The following NMRK2 variants were observed in gnomAD, a reference collection of about 807,000 sequenced individuals.
NMRK2 encodes NRK 2.
In NMRK2, 34 loss-of-function variants were observed where a neutral mutation model predicts 24.7. The observed-to-expected ratio is 1.37, with a 90% CI of 1.05 to 1.83. The LOEUF is 1.83. Among genes scored for constraint, NMRK2 ranks in the 40% most tolerant of loss-of-function variants. The pLI, the probability that NMRK2 is intolerant of heterozygous loss-of-function variation, is 0.00. For synonymous variants in NMRK2, 145 were observed against 125.6 expected, an observed-to-expected ratio of 1.15 and a Z score of -1.03; for missense variants, 341 against 315.0, an observed-to-expected ratio of 1.08 and a Z score of -0.62.
At chr19:3,940,208 G>A (rs144124508) in intron 6 of NMRK2, among the ~76,000 whole-genome samples, 120 of 149,650 alleles carry the variant, frequency 8.0e-4, no homozygotes, top group African/African-American at 2.7e-3. Flanking sequence ...TTAGTCGGGC[G>A]TAGTGGCGTG....
chr19:3,933,955 A>T (rs1192368476), intron 2 of NMRK2, among the ~76,000 whole-genome samples: 1 of 42,746 alleles, frequency 2.3e-5, no homozygotes, highest in Non-Finnish European at 7.2e-5. Flanking sequence ...ACTCAGCATA[A>T]AAAAAAAATA....
In NMRK2 at chr19:3,941,096, C is replaced by A. The variant is rs1299439181; in HGVS notation, c.421C>A (p.Pro141Thr). The A allele has an allele frequency of 6.2e-7, 1 of 1,610,588 alleles. No homozygotes were observed. The highest frequency in any genetic ancestry group is 1.1e-5 in the South Asian group (1 of 90,916). ...RSTRNYTVPDPPGLFDGHVWP... is the reference protein window; with the variant it reads ...RSTRNYTVPDTPGLFDGHVWP... The stretch of plus-strand genomic sequence containing the variant: ...TACCCGCAACTACACAGTCCCTGAT[C>A]CCCCCGGCCTCTTCGATGGCCACGT... Residue 141 changes from proline (P) to threonine (T), a missense_variant, in exon 7 of 8, where the codon CCC (proline) becomes ACC (threonine). By Grantham distance (38) the Pro-to-Thr change is conservative. Coordinates refer to ENST00000168977, the MANE Select transcript of NMRK2 (RefSeq NM_170678.3).
intron 5 of NMRK2, among the ~76,000 whole-genome samples, chr19:3,939,256 G>A (rs2039282019): frequency 6.6e-6 from 1 of 151,834 alleles, no homozygotes; most frequent in African/African-American, 2.4e-5. Flanking sequence ...AGGCGTGGTG[G>A]CTCACCAGCA....
chr19:3,934,910 G>A (rs192216224), intron 2 of NMRK2, among the ~76,000 whole-genome samples: 5 of 152,134 alleles, frequency 3.3e-5, no homozygotes, highest in Admixed American at 1.3e-4. Context: ...AAGAAGCCTC[G>A]AATTTTCATT....
Position 3,942,355 on chromosome 19 carries a change from C to G in NMRK2, c.*82C>G. ...GGCGTCCCGGAGCTCAGGGACTGAG[C>G]CCCAAGACGCCTCTGTAACCTCGCT... On this transcript the variant is annotated 3_prime_UTR_variant, in exon 8 of 8. Transcript: ENST00000168977. 2 of 1,292,614 alleles carry G rather than the reference C, an allele frequency of 1.5e-6. No homozygotes were observed. The highest frequency in any genetic ancestry group is 2.1e-6 in the Non-Finnish European group (2 of 945,560). The allele number at this position is 1,292,614 out of a possible 1,614,324, so 80.1% of individuals were successfully genotyped here. A position where few individuals can be genotyped will look rare whatever the true frequency, so the allele number is the denominator to read the frequency against.
chr19:3,938,997 G>A (rs1391220221), intron 5 of NMRK2, among the ~76,000 whole-genome samples: 2 of 151,502 alleles, frequency 1.3e-5, no homozygotes, highest in South Asian at 2.1e-4. Flanking sequence ...ACAGGCCTGC[G>A]CCATCACACC....
At position 3,938,778 on chromosome 19, in the gene NMRK2, TG is replaced by T. The variant is rs1479700297; in HGVS notation, c.323+21del. Reference sequence around the variant, plus strand: ...GCTACAAGTAAACATCTGCAGGCTCTGGCCCCAGGCATGGCCCTCTCTGGGC... The same window carrying T: ...GCTACAAGTAAACATCTGCAGGCTCTGCCCCAGGCATGGCCCTCTCTGGGC... On this transcript the variant is annotated intron_variant, in intron 5 of 7. Coordinates refer to ENST00000168977, the MANE Select transcript of NMRK2 (RefSeq NM_170678.3). The T allele has an allele frequency of 6.7e-7, 1 of 1,495,546 alleles. No individual in the cohort carries two copies. Among genetic ancestry groups the T allele is most frequent in the Non-Finnish European group, 9.0e-7 (1 of 1,106,426 alleles). The allele number at this position is 1,495,546 out of a possible 1,614,324, so 92.6% of individuals were successfully genotyped here.
intron 2 of NMRK2, among the ~76,000 whole-genome samples, chr19:3,933,982 T>C (rs1487319671): frequency 6.6e-6 from 1 of 151,584 alleles, no homozygotes; most frequent in Non-Finnish European, 1.5e-5. Context: ...ACACGGTGGC[T>C]CAGGCCTGGA....
chr19:3,941,706 G>A (rs998116460), intron 7 of NMRK2, among the ~76,000 whole-genome samples: 11 of 151,504 alleles, frequency 7.3e-5, no homozygotes, highest in Admixed American at 2.6e-4. Flanking sequence ...GCAGTGGCGC[G>A]ATCTTGGCTC....
intron 2 of NMRK2, among the ~76,000 whole-genome samples, chr19:3,933,946 C>T (rs1046759551): frequency 1.7e-5 from 2 of 116,072 alleles, no homozygotes; most frequent in African/African-American, 5.2e-5. Context: ...TCCAATTATA[C>T]TCAGCATAAA....
Position 3,942,064 on chromosome 19 carries a change from GC to G in NMRK2, c.503-18del, listed in dbSNP as rs1568182872. 1 of 1,607,976 alleles carries G rather than the reference GC, an allele frequency of 6.2e-7. No individual in the cohort carries two copies. Among genetic ancestry groups the G allele is most frequent in the Admixed American group, 1.7e-5 (1 of 59,878 alleles). ...CCCCCTTCCTCCCGGCAGCCCTGAC[GC>G]AGCCTTTCTGATTTCAGTCTACCTG... On this transcript the variant is annotated intron_variant, in intron 7 of 7. Coordinates refer to ENST00000168977, the MANE Select transcript of NMRK2 (RefSeq NM_170678.3).
Position 3,938,851 on chromosome 19 carries a change from T to TG in NMRK2, c.323+92_323+93insG. On this transcript the variant is annotated intron_variant, in intron 5 of 7. Transcript: ENST00000168977. ...TTTTTTTTTTTTTTTTTTGTTTTGT[T>TG]TTTTTTTTTTTTTGAGACAAGAGTT... 99 of 522,948 alleles carry TG rather than the reference T, an allele frequency of 1.9e-4. 1 individual carries two copies. The highest frequency in any genetic ancestry group is 1.8e-3 in the South Asian group (28 of 15,962). 32.4% of individuals were successfully genotyped at this position (522,948 alleles called of 1,614,324 possible).
In NMRK2 at chr19:3,933,146, C is replaced by CG. The variant is rs1184598463; in HGVS notation, c.-245dup. ...GAAAACGAAGCTCCCCGCAGGGTCC[C>CG]GGCCTCTAGGGCTGCTGTGCGGGCG... On this transcript the variant is annotated 5_prime_UTR_variant, in exon 1 of 8. Coordinates refer to ENST00000168977, the MANE Select transcript of NMRK2 (RefSeq NM_170678.3). 6.5e-6 allele frequency: 1 copy of CG among 153,596 alleles called. No individual in the cohort carries two copies. The highest frequency in any genetic ancestry group is 1.4e-5 in the Non-Finnish European group (1 of 69,176). 9.5% of individuals were successfully genotyped at this position (153,596 alleles called of 1,614,324 possible). A position where few individuals can be genotyped will look rare whatever the true frequency, so the allele number is the denominator to read the frequency against.
chr19:3,936,481 C>A, intron 2 of NMRK2, 94 bp from the exon 3 acceptor site: 1 of 778,406 alleles, frequency 1.3e-6, no homozygotes, highest in Non-Finnish European at 2.0e-6. Flanking sequence ...GGACAGGCCC[C>A]GGGGAGCCCA....
chr19:3,935,124 A>G (rs991812484), intron 2 of NMRK2, among the ~76,000 whole-genome samples: 1 of 152,040 alleles, frequency 6.6e-6, no homozygotes, highest in East Asian at 1.9e-4. Context: ...GGATCAAGTA[A>G]TCCTCCTGCC....
At chr19:3,937,116 C>A in intron 3 of NMRK2, 124 bp from the exon 4 acceptor site, 1 of 868,728 alleles carries the variant, frequency 1.2e-6, no homozygotes, top group Non-Finnish European at 1.9e-6. Flanking sequence ...GAGGGTCAGG[C>A]AGAGCCCCCA....
chr19:3,942,093 C>T lies in NMRK2; in HGVS notation c.513C>T (p.Asp171=), dbSNP rs775391418. ...CCTTTCTGATTTCAGTCTACCTGGA[C>T]GGCATGAAGTCCCGAGAGGAGCTCT... ...EANGVEVVYL[D]GMKSREELFR... The change falls in exon 8 of 8, where the codon GAC becomes GAT. Residue 171 remains aspartate (D), a synonymous_variant. Transcript: ENST00000168977. 23 of 1,613,032 alleles carry T rather than the reference C, an allele frequency of 1.4e-5. No homozygotes were observed. The highest frequency in any genetic ancestry group is 5.0e-5 in the Admixed American group (3 of 59,976).
chr19:3,938,526 C>T (rs1223166669), intron 4 of NMRK2, 77 bp from the exon 5 acceptor site: 4 of 1,367,078 alleles, frequency 2.9e-6, no homozygotes, highest in Non-Finnish European at 3.9e-6. Context: ...CTGGGGTCCG[C>T]CCTCCTGCAA....
At position 3,941,266 on chromosome 19, in the gene NMRK2, T is replaced by C. The variant is rs865900807; in HGVS notation, c.502+89T>C. 5.1e-3 allele frequency: 2,721 copies of C among 534,960 alleles called. 71 individuals carry two copies. The African/African-American group carries it at 0.061, about 12-fold the overall frequency. 33.1% of individuals were successfully genotyped at this position (534,960 alleles called of 1,614,324 possible). On this transcript the variant is annotated intron_variant, in intron 7 of 7. Coordinates refer to ENST00000168977, the MANE Select transcript of NMRK2 (RefSeq NM_170678.3). ...CTCTCCATCTTTTTTTTTTTTTTTTTCAAGACAGAGTCTCACTCTGTCACC... is the reference window on the plus strand; with the variant it reads ...CTCTCCATCTTTTTTTTTTTTTTTTCCAAGACAGAGTCTCACTCTGTCACC...
Sources: gnomAD v4.1 joint callset for allele counts (sites outside exome capture counted in the v4.1 genomes callset) on GRCh38, gnomAD v4.1.1 for gene constraint, MANE v1.5 for transcripts, NCBI Gene and HGNC (gene_info 2026-07-23, HGNC 2026-07-21) for gene names.